Variants in DNAH14 observed in about 807,000 individuals in gnomAD.
DNAH14 encodes dynein axonemal heavy chain 14.
Under a neutral mutation model 520.9 loss-of-function variants are expected in DNAH14, and 478 were observed. The observed-to-expected ratio is 0.92, with a 90% confidence interval of 0.85 to 0.99. The LOEUF (loss-of-function observed/expected upper bound fraction) is 0.99, where lower values mean the gene tolerates loss of function less well. Ranked by LOEUF, DNAH14 falls within the 50% of genes least tolerant of loss-of-function variation. The probability of loss-of-function intolerance (pLI) is 0.00; values close to 1 mark genes in which losing one functional copy is unlikely to be tolerated. For missense variants in DNAH14, 4,831 were observed against 5,234.5 expected (o/e 0.92, Z 2.38); for synonymous variants, 1,581 against 1,757.2 (o/e 0.90, Z 2.51).
intron 43 of DNAH14, among the ~76,000 whole-genome samples, chr1:225,242,875 C>A (rs190858573): frequency 1.1e-3 from 166 of 152,264 alleles, no homozygotes; most frequent in Non-Finnish European, 2.0e-3. Flanking sequence ...ACTATGATGT[C>A]ACTAGGTGAT....
At chr1:225,016,276 G>A (rs2065212179) in intron 10 of DNAH14, among the ~76,000 whole-genome samples, 1 of 152,024 alleles carries the variant, frequency 6.6e-6, no homozygotes, top group Non-Finnish European at 1.5e-5. Flanking sequence ...TTGCTTATCT[G>A]TAAAAGATTC....
At chr1:224,968,364 G>T (rs996283772) in intron 6 of DNAH14, among the ~76,000 whole-genome samples, 10 of 152,010 alleles carry the variant, frequency 6.6e-5, no homozygotes, top group Admixed American at 6.6e-4. Flanking sequence ...GTCAATATAG[G>T]GTATGTGGGT....
chr1:225,091,315 A>C (rs923154844), intron 21 of DNAH14, among the ~76,000 whole-genome samples: 1 of 152,136 alleles, frequency 6.6e-6, no homozygotes, highest in Non-Finnish European at 1.5e-5. Flanking sequence ...GGAAAAAAGG[A>C]AAAATAAAGG....
intron 23 of DNAH14, among the ~76,000 whole-genome samples, chr1:225,106,637 C>T (rs964538249): frequency 6.6e-6 from 1 of 152,056 alleles, no homozygotes; most frequent in Non-Finnish European, 1.5e-5. Context: ...ATTTGATCTT[C>T]CATCACGGAT....
At chr1:225,015,404 G>A (rs1378727217) in intron 10 of DNAH14, among the ~76,000 whole-genome samples, 1 of 152,094 alleles carries the variant, frequency 6.6e-6, no homozygotes, top group Non-Finnish European at 1.5e-5. Flanking sequence ...GCAGTTAGGT[G>A]GTTTTCCGTA....
At chr1:224,997,466 G>A (rs958882744) in intron 8 of DNAH14, among the ~76,000 whole-genome samples, 7 of 150,826 alleles carry the variant, frequency 4.6e-5, no homozygotes, top group African/African-American at 1.7e-4. Flanking sequence ...TTGTTTGTTT[G>A]TTTTGGTTCT....
At chr1:225,385,869 G>GA (rs1188672939) in intron 81 of DNAH14, among the ~76,000 whole-genome samples, 2 of 152,022 alleles carry the variant, frequency 1.3e-5, no homozygotes, top group Non-Finnish European at 2.9e-5. Context: ...CACAGAATTG[G>GA]AAAAAACTAC....
intron 41 of DNAH14, among the ~76,000 whole-genome samples, chr1:225,218,483 C>CAA (rs143044295): frequency 0.14 from 17,696 of 126,554 alleles, 1,163 homozygotes; most frequent in East Asian, 0.33. Context: ...AAATGGAAAC[C>CAA]AAAAAAAAAA....
chr1:225,060,125 C>T lies in DNAH14; in HGVS notation c.2424+8330C>T, dbSNP rs55778027. Among the ~76,000 whole-genome samples the T allele has an allele frequency of 3.0e-3, 456 of 149,850 alleles. 5 individuals carry two copies. The highest frequency in any genetic ancestry group is 0.011 in the African/African-American group (423 of 39,322). Reference sequence around the variant, plus strand: ...GGATAATATCCTGCAGAGTGTTTTCCGACTTGGTTCCATTCTCCCTGTTAC... The same window carrying T: ...GGATAATATCCTGCAGAGTGTTTTCTGACTTGGTTCCATTCTCCCTGTTAC... On this transcript the variant is annotated intron_variant, in intron 17 of 85. Coordinates refer to ENST00000682510, the MANE Select transcript of DNAH14 (RefSeq NM_001367479.1).
intron 38 of DNAH14, among the ~76,000 whole-genome samples, chr1:225,199,435 C>G (rs1238800474): frequency 1.3e-5 from 2 of 151,982 alleles, no homozygotes; most frequent in African/African-American, 4.8e-5. Context: ...CTTAGAAAGT[C>G]AGTTTGTGCT....
chr1:225,061,816 C>T (rs1029629050), intron 17 of DNAH14, among the ~76,000 whole-genome samples: 5 of 152,120 alleles, frequency 3.3e-5, no homozygotes, highest in African/African-American at 1.2e-4. Context: ...TTATATAGCA[C>T]TTAAATTACA....
intron 55 of DNAH14, among the ~76,000 whole-genome samples, chr1:225,298,182 A>G (rs1428170786): frequency 2.0e-5 from 3 of 151,746 alleles, no homozygotes; most frequent in Admixed American, 6.6e-5. Flanking sequence ...TTGCTTGGCT[A>G]GCCTGGGGGT....
chr1:225,144,108 T>C (rs543583413), intron 28 of DNAH14, among the ~76,000 whole-genome samples: 1 of 152,280 alleles, frequency 6.6e-6, no homozygotes, highest in East Asian at 1.9e-4. Flanking sequence ...CTTATATAAA[T>C]CCTCCATTTG....
In DNAH14 at chr1:225,380,262, A is replaced by G; in HGVS notation, c.12820A>G (p.Ser4274Gly). 1 of 1,551,676 alleles carries G rather than the reference A, an allele frequency of 6.4e-7. No individual in the cohort carries two copies. Among genetic ancestry groups the G allele is most frequent in the African/African-American group, 1.4e-5 (1 of 73,162 alleles). Reference protein sequence around the residue: ...EKEEIAVGTPSTLKSMMSSSI... With the variant: ...EKEEIAVGTPGTLKSMMSSSI... ...AGAAGAAATTGCTGTTGGAACTCCA[A>G]GCACATTGAAGAGCATGATGTCAAG... is the stretch of plus-strand genomic sequence containing the variant. The change falls in exon 80 of 86, where the codon AGC becomes GGC. Residue 4274 changes from serine to glycine, a missense_variant. Ser to Gly is a moderately conservative substitution (Grantham distance 56, BLOSUM62 0). Transcript: ENST00000682510.
intron 41 of DNAH14, among the ~76,000 whole-genome samples, chr1:225,228,465 G>A (rs1409952051): frequency 6.9e-6 from 1 of 144,654 alleles, no homozygotes; most frequent in African/African-American, 2.6e-5. Flanking sequence ...ACACCTCTGG[G>A]GAAACTGATA....
intron 10 of DNAH14, among the ~76,000 whole-genome samples, chr1:225,022,196 A>C (rs753795721): frequency 1.3e-5 from 2 of 152,160 alleles, no homozygotes; most frequent in African/African-American, 2.4e-5. Context: ...ACCTTGACAA[A>C]GAATTTATGA....
At chr1:225,113,463 T>C (rs12067806) in intron 23 of DNAH14, among the ~76,000 whole-genome samples, 30,835 of 151,912 alleles carry the variant, frequency 0.2, 6,500 homozygotes, top group African/African-American at 0.53. Context: ...TTGTGCAAGG[T>C]CCACTGTAAT....
intron 8 of DNAH14, among the ~76,000 whole-genome samples, chr1:224,996,491 C>T (rs1295568589): frequency 6.6e-6 from 1 of 152,120 alleles, no homozygotes; most frequent in African/African-American, 2.4e-5. Flanking sequence ...ATACACCTTT[C>T]ACTGTTTAGC....
At position 225,118,309 on chromosome 1, in the gene DNAH14, G is replaced by A. The variant is rs189433171; in HGVS notation, c.4091+310G>A. 206 of 387,676 alleles carry A rather than the reference G, an allele frequency of 5.3e-4. 1 individual carries two copies. The highest frequency in any genetic ancestry group is 4.0e-3 in the African/African-American group (195 of 48,952). The allele number at this position is 387,676 out of a possible 1,614,324, so 24.0% of individuals were successfully genotyped here. On this transcript the variant is annotated intron_variant, in intron 25 of 85. Coordinates refer to ENST00000682510, the MANE Select transcript of DNAH14 (RefSeq NM_001367479.1). ...CTTTTTAGTGCTTTTTCCCTTTTTG[G>A]TTTTAGTATATGAATATAGATAAGA...
Sources: allele counts gnomAD v4.1 joint callset (sites outside exome capture counted in the v4.1 genomes callset), GRCh38; gene constraint gnomAD v4.1.1; transcripts MANE v1.5; gene names NCBI Gene and HGNC (gene_info 2026-07-23, HGNC 2026-07-21).